FBXO44: variants seen among roughly 807,000 people sequenced by gnomAD.
FBXO44 encodes the protein F-box protein 44, also known as F-box only protein 44.
A neutral mutation model predicts 33.5 loss-of-function variants in FBXO44; 25 were observed. The ratio of observed to expected loss-of-function variants is 0.75; its 90% confidence interval spans 0.54 to 1.04. The LOEUF is 1.04. FBXO44 is among the 50% of genes least tolerant of loss of function. The pLI, the probability that FBXO44 is intolerant of heterozygous loss-of-function variation, is 0.00. For synonymous variants in FBXO44, 147 were observed against 152.8 expected (o/e 0.96, Z 0.28); for missense variants, 311 against 344.0 (o/e 0.90, Z 0.76).
chr1:11,661,502 G>T lies in FBXO44; in HGVS notation c.*229G>T. On this transcript the variant is annotated 3_prime_UTR_variant, in exon 6 of 6. Coordinates refer to ENST00000251547, the MANE Select transcript of FBXO44 (RefSeq NM_033182.7). This position sits in a 1 kb window ranked among gnomAD's most constrained non-coding sequence, Gnocchi z 4.4. The stretch of plus-strand genomic sequence containing the variant: ...CTGAATGATGGCCGGGGAAGCCTGC[G>T]TGTGCCCCTTTCAGAGACGGAGCAC... 3.6e-6 allele frequency: 2 copies of T among 560,306 alleles called. No homozygotes were observed. The highest frequency in any genetic ancestry group is 3.1e-5 in the South Asian group (1 of 32,094). 34.7% of individuals were successfully genotyped at this position (560,306 alleles called of 1,614,324 possible). A position where few individuals can be genotyped will look rare whatever the true frequency, so the allele number is the denominator to read the frequency against.
chr1:11,656,234 GTAGCTACT>G, intron 2 of FBXO44, 134 bp downstream of exon 2: 1 of 1,229,842 alleles, frequency 8.1e-7, no homozygotes, highest in South Asian at 1.5e-5. Context: ...ACCCAAAGAG[GTAGCTACT>G]GTTAGTGCAC....
rs1441964974 is a variant in FBXO44, at chr1:11,663,205, AC to A, written c.*1934del. The A allele has an allele frequency of 2.0e-5, 3 of 151,560 alleles. No individual in the cohort carries two copies. Among genetic ancestry groups the A allele is most frequent in the African/African-American group, 7.3e-5 (3 of 41,250 alleles). 9.4% of individuals were successfully genotyped at this position (151,560 alleles called of 1,614,324 possible). ...AATCTCCTGACCTCGTGATCCACCC[AC>A]CTCGACCTCCCAAAGTGCTGAGATT... On this transcript the variant is annotated 3_prime_UTR_variant, in exon 6 of 6. Transcript: ENST00000251547.
At chr1:11,655,686 A>G in intron 1 of FBXO44, 120 bp from the exon 2 acceptor site, 1 of 1,059,214 alleles carries the variant, frequency 9.4e-7, no homozygotes, top group Non-Finnish European at 1.3e-6. Context: ...GGACCGCCCC[A>G]GTGACCCCTG....
chr1:11,655,117 C>A (rs1038907460), intron 1 of FBXO44, among the ~76,000 whole-genome samples, 165 bp downstream of exon 1: 6 of 151,814 alleles, frequency 4.0e-5, no homozygotes, highest in Non-Finnish European at 8.8e-5. Flanking sequence ...TGCGCGGCTG[C>A]GAACGGGGGC....
At chr1:11,654,461 G>T, upstream of FBXO44, 1 of 1,062,904 alleles carries the variant, frequency 9.4e-7, no homozygotes, top group Non-Finnish European at 1.2e-6. Context: ...CCTCTTAAAG[G>T]CCCCCGACCC....
chr1:11,657,008 G>A (rs1639855868), intron 2 of FBXO44, among the ~76,000 whole-genome samples: 1 of 152,176 alleles, frequency 6.6e-6, no homozygotes. Context: ...GTAAAGCAAG[G>A]CTTCCACTGA....
intron 2 of FBXO44, among the ~76,000 whole-genome samples, chr1:11,658,035 C>G (rs1639927530): frequency 6.6e-6 from 1 of 152,194 alleles, no homozygotes; most frequent in South Asian, 2.1e-4. Flanking sequence ...CAGAAGAGGT[C>G]TGGTCATTTC....
In FBXO44 at chr1:11,661,251, C is replaced by T; in HGVS notation, c.746C>T (p.Thr249Ile). The change falls in exon 6 of 6, where the codon ACC becomes ATC. Residue 249 changes from threonine to isoleucine, a missense_variant. By Grantham distance (89) the Thr-to-Ile change is moderately conservative (BLOSUM62 -1). Transcript: ENST00000251547. The surrounding 1 kb of genome is among the most constrained non-coding windows in gnomAD (Gnocchi z 4.4). Reference protein sequence around the residue: ...YGPRVTNSSITIGPPLP With the variant: ...YGPRVTNSSIIIGPPLP The stretch of plus-strand genomic sequence containing the variant: ...CCGAGGGTCACCAACAGCAGCATCA[C>T]CATCGGGCCCCCGCTGCCCTGACAC... 2 of 1,614,194 alleles carry T rather than the reference C, an allele frequency of 1.2e-6. No individual in the cohort carries two copies. Among genetic ancestry groups the T allele is most frequent in the Non-Finnish European group, 1.7e-6 (2 of 1,180,034 alleles).
chr1:11,658,274 C>A lies in FBXO44; in HGVS notation c.273C>A (p.Phe91Leu). 6.2e-7 allele frequency: 1 copy of A among 1,613,644 alleles called. No homozygotes were observed. Among genetic ancestry groups the A allele is most frequent in the Non-Finnish European group, 8.5e-7 (1 of 1,179,900 alleles). ...LLHNPCAEEGFEFWSLDVNGG... is the reference protein window; with the variant it reads ...LLHNPCAEEGLEFWSLDVNGG... ...ACTCTGCTTTTCCATCAGAGGGGTT[C>A]GAGTTCTGGAGCCTGGATGTGAATG... Residue 91 changes from phenylalanine (F) to leucine (L), a missense_variant, in exon 3 of 6, where the codon TTC becomes TTA. Physicochemically the swap from Phe to Leu is conservative, Grantham distance 22. Transcript: ENST00000251547.
intron 1 of FBXO44, 91 bp from the exon 2 acceptor site, chr1:11,655,715 A>T: frequency 7.2e-7 from 1 of 1,388,152 alleles, no homozygotes; most frequent in Non-Finnish European, 9.8e-7. Context: ...GCATCCATTT[A>T]CAGAGAAGGA....
chr1:11,656,604 G>A (rs1388333649), intron 2 of FBXO44, among the ~76,000 whole-genome samples: 1 of 141,136 alleles, frequency 7.1e-6, no homozygotes, highest in South Asian at 2.1e-4. Context: ...TGGGATTACC[G>A]GTGCCCGCCA....
In FBXO44 at chr1:11,655,755, C is replaced by G. The variant is rs779421786; in HGVS notation, c.-30-51C>G. 1.6e-5 allele frequency: 25 copies of G among 1,565,036 alleles called. No homozygotes were observed. The African/African-American group carries it at 3.0e-4, about 19-fold the overall frequency. ...GGCTGGGAGAGGCACCATGCTCTCC[C>G]GAGATAAATGGCAGAGCAGGGATGA... On this transcript the variant is annotated intron_variant, in intron 1 of 5. Coordinates refer to ENST00000251547, the MANE Select transcript of FBXO44 (RefSeq NM_033182.7).
At chr1:11,654,736 A>G (rs4478814), upstream of FBXO44, 151,804 of 183,636 alleles carry the variant, frequency 0.83, 63,304 homozygotes, top group African/African-American at 0.93. Context: ...GCGGAGTCGG[A>G]GTATAGGAGG....
Position 11,658,758 on chromosome 1 carries a change from G to T in FBXO44, c.511G>T (p.Gly171Trp). The T allele has an allele frequency of 6.2e-7, 1 of 1,613,986 alleles. No homozygotes were observed. The highest frequency in any genetic ancestry group is 8.5e-7 in the Non-Finnish European group (1 of 1,179,976). ...KDWFAARPDCGSKYQLCVQLL... is the reference protein window; with the variant it reads ...KDWFAARPDCWSKYQLCVQLL... ...CAGGTTCGCAGCCAGGCCAGATTGCGGGTCCAAGTACCAGCTGTGCGTTCA... is the reference window on the plus strand; with the variant it reads ...CAGGTTCGCAGCCAGGCCAGATTGCTGGTCCAAGTACCAGCTGTGCGTTCA... The change falls in exon 5 of 6, where the codon GGG (glycine) becomes TGG (tryptophan). Residue 171 changes from glycine (G) to tryptophan (W), a missense_variant. Coordinates refer to ENST00000251547, the MANE Select transcript of FBXO44 (RefSeq NM_033182.7).
At chr1:11,654,842 C>G (rs1436927204), upstream of FBXO44, 1 of 138,566 alleles carries the variant, frequency 7.2e-6, no homozygotes, top group African/African-American at 2.6e-5. Context: ...GCGCGGGGCG[C>G]GGGGGCGGGG....
At position 11,658,626 on chromosome 1, in the gene FBXO44, C is replaced by T. The variant is rs1341054536; in HGVS notation, c.486C>T (p.Asp162=). 1.2e-6 allele frequency: 2 copies of T among 1,604,166 alleles called. No individual in the cohort carries two copies. The highest frequency in any genetic ancestry group is 2.2e-5 in the South Asian group (2 of 90,874). Residue 162 remains aspartate (D), a splice_region_variant and synonymous_variant, in exon 4 of 6, where the codon GAC becomes GAT. Coordinates refer to ENST00000251547, the MANE Select transcript of FBXO44 (RefSeq NM_033182.7). ...CACGGCCGGACATCGAGGTCAAGGA[C>T]TGGTGAGTGCCTGGGGCGAGGGTCT... is the stretch of plus-strand genomic sequence containing the variant. ...DTTRPDIEVK[D]WFAARPDCGS...
chr1:11,661,066 A>G lies in FBXO44; in HGVS notation c.625-64A>G. The stretch of plus-strand genomic sequence containing the variant: ...CCAAAGTACTGGGATTCCCGGTGTG[A>G]GCCGCCACACCCAGCCTGAGTCAGC... On this transcript the variant is annotated intron_variant, in intron 5 of 5. Transcript: ENST00000251547. The surrounding 1 kb of genome is among the most constrained non-coding windows in gnomAD (Gnocchi z 4.4). 1.3e-6 allele frequency: 2 copies of G among 1,502,872 alleles called. No homozygotes were observed. The highest frequency in any genetic ancestry group is 1.8e-6 in the Non-Finnish European group (2 of 1,104,224). 93.1% of individuals were successfully genotyped at this position (1,502,872 alleles called of 1,614,324 possible).
chr1:11,660,929 C>G (rs1161502071), intron 5 of FBXO44, among the ~76,000 whole-genome samples: 1 of 151,910 alleles, frequency 6.6e-6, no homozygotes. Context: ...AGGCACACAC[C>G]ACCATGCCTG....
At chr1:11,658,971 C>G (rs1264202839) in intron 5 of FBXO44, 100 bp downstream of exon 5, 7 of 1,441,966 alleles carry the variant, frequency 4.9e-6, no homozygotes, top group Non-Finnish European at 6.6e-6. Flanking sequence ...CACCTTCTCA[C>G]CTGTGCTTCC....
Sources: gnomAD v4.1 joint callset for allele counts (sites outside exome capture counted in the v4.1 genomes callset) on GRCh38, gnomAD v4.1.1 for gene constraint, Gnocchi (gnomAD v3.1) non-coding constraint, MANE v1.5 for transcripts, NCBI Gene and HGNC (gene_info 2026-07-23, HGNC 2026-07-21) for gene names.